Variants in VGLL4 observed in about 807,000 individuals in gnomAD.
VGLL4 encodes vestigial like family member 4.
A neutral mutation model predicts 21.0 loss-of-function variants in VGLL4; 7 were observed. The observed-to-expected ratio is 0.33, with a 90% CI of 0.19 to 0.63. VGLL4 has a LOEUF of 0.63. VGLL4 is among the 20% of genes least tolerant of loss of function. The pLI, the probability that VGLL4 is intolerant of heterozygous loss-of-function variation, is 0.78. For synonymous variants in VGLL4, 222 were observed against 173.2 expected (o/e 1.28, Z -2.21); for missense variants, 394 against 425.7 (o/e 0.93, Z 0.66).
intron 1 of VGLL4, among the ~76,000 whole-genome samples, chr3:11,635,800 G>A (rs1338575972): frequency 6.6e-6 from 1 of 152,208 alleles, no homozygotes; most frequent in Non-Finnish European, 1.5e-5. Context: ...TACTGAGAAT[G>A]ACAGCTATTT....
chr3:11,656,623 G>A (rs1312816918), intron 2 of VGLL4, among the ~76,000 whole-genome samples: 1 of 152,174 alleles, frequency 6.6e-6, no homozygotes, highest in Non-Finnish European at 1.5e-5. Flanking sequence ...CTGACAGTGT[G>A]TGGTGTCGCA....
chr3:11,699,276 T>C (rs1309770052), intron 2 of VGLL4, among the ~76,000 whole-genome samples: 1 of 152,180 alleles, frequency 6.6e-6, no homozygotes, highest in Non-Finnish European at 1.5e-5. Flanking sequence ...ACATAACTAA[T>C]GAATTAGGTA....
At chr3:11,715,611 G>C (rs549119983) in intron 1 of VGLL4, among the ~76,000 whole-genome samples, 172 of 152,214 alleles carry the variant, frequency 1.1e-3, no homozygotes, top group African/African-American at 4.1e-3. Flanking sequence ...TGGGATTATA[G>C]GTGTGAGCCA....
intron 1 of VGLL4, among the ~76,000 whole-genome samples, chr3:11,606,866 C>T (rs929192277): frequency 6.6e-6 from 1 of 152,198 alleles, no homozygotes; most frequent in African/African-American, 2.4e-5. Flanking sequence ...TTGCTCTTCA[C>T]AATAAATCTT....
At chr3:11,691,983 GAAAAAA>G (rs36035876) in intron 2 of VGLL4, among the ~76,000 whole-genome samples, 1 of 105,696 alleles carries the variant, frequency 9.5e-6, no homozygotes, top group African/African-American at 4.1e-5. Context: ...TGCACCAAAT[GAAAAAA>G]AAAAAAAAAA....
intron 1 of VGLL4, among the ~76,000 whole-genome samples, chr3:11,632,318 TA>T (rs5846713): frequency 0.87 from 131,595 of 151,426 alleles, 57,313 homozygotes; most frequent in East Asian, 0.89. Flanking sequence ...GTCTCAAAAA[TA>T]AAAAAAAAAT....
intron 2 of VGLL4, among the ~76,000 whole-genome samples, chr3:11,579,608 A>G (rs2074166816): frequency 6.6e-6 from 1 of 152,142 alleles, no homozygotes; most frequent in South Asian, 2.1e-4. Flanking sequence ...GGGGAGTTCA[A>G]TCATTCCATT....
intron 2 of VGLL4, among the ~76,000 whole-genome samples, chr3:11,685,374 T>C (rs188617293): frequency 4.6e-5 from 7 of 152,214 alleles, no homozygotes; most frequent in Admixed American, 3.3e-4. Flanking sequence ...AATTTTTGTA[T>C]TTTTAGTGGA....
At chr3:11,703,983 C>T (rs1027918808) in intron 1 of VGLL4, among the ~76,000 whole-genome samples, 3 of 152,230 alleles carry the variant, frequency 2.0e-5, no homozygotes, top group Non-Finnish European at 2.9e-5. Flanking sequence ...GTAGCTCACG[C>T]CTGTAATCCC....
intron 1 of VGLL4, among the ~76,000 whole-genome samples, chr3:11,607,607 G>A (rs529441142): frequency 1.3e-5 from 2 of 152,294 alleles, no homozygotes; most frequent in South Asian, 4.1e-4. Flanking sequence ...CAGTAGAAAT[G>A]TTACCTCTTC....
chr3:11,715,645 A>AT (rs1259875266), intron 1 of VGLL4, among the ~76,000 whole-genome samples: 1 of 151,982 alleles, frequency 6.6e-6, no homozygotes, highest in African/African-American at 2.4e-5. Flanking sequence ...AGTTCTTGTT[A>AT]TTCATAGTAG....
intron 2 of VGLL4, among the ~76,000 whole-genome samples, chr3:11,651,296 T>A (rs1282297689): frequency 6.7e-6 from 1 of 150,280 alleles, no homozygotes; most frequent in African/African-American, 2.5e-5. Flanking sequence ...TGAGCCAAGA[T>A]TGTACCATTG....
rs539305642 is a variant in VGLL4 at position 11,565,048 on chromosome 3, G to A, written c.273-29C>T. On this transcript the variant is annotated intron_variant, in intron 2 of 4. Coordinates refer to ENST00000430365, the MANE Select transcript of VGLL4 (RefSeq NM_001128219.3). This position sits in a 1 kb window ranked among gnomAD's most constrained non-coding sequence, Gnocchi z 4.1. ...AAAAAGAGGAATGGGCATTCAGGGG[G>A]CGTTTTCTCAAAGGCAAAGGGGACA... 29 of 1,464,396 alleles carry A rather than the reference G, an allele frequency of 2.0e-5. No homozygotes were observed. Among genetic ancestry groups the A allele is most frequent in the Middle Eastern group, 1.8e-4 (1 of 5,520 alleles). 90.7% of individuals were successfully genotyped at this position (1,464,396 alleles called of 1,614,324 possible). A position where few individuals can be genotyped will look rare whatever the true frequency, so the allele number is the denominator to read the frequency against.
intron 1 of VGLL4, among the ~76,000 whole-genome samples, chr3:11,609,610 G>T (rs1004314075): frequency 8.5e-5 from 13 of 152,300 alleles, no homozygotes; most frequent in African/African-American, 3.1e-4. Context: ...CACAGAGATG[G>T]GGCGAGTGAT....
chr3:11,602,057 G>C (rs757967368), intron 1 of VGLL4, 35 bp from the exon 2 acceptor site: 8 of 1,482,890 alleles, frequency 5.4e-6, no homozygotes, highest in Non-Finnish European at 7.1e-6. Flanking sequence ...CACTAAGCAG[G>C]AGAAAGGCCC....
At chr3:11,660,877 T>C (rs2076027404) in intron 2 of VGLL4, among the ~76,000 whole-genome samples, 1 of 152,172 alleles carries the variant, frequency 6.6e-6, no homozygotes, top group Non-Finnish European at 1.5e-5. Flanking sequence ...GAAAGACTCT[T>C]AAACTTTATG....
At chr3:11,595,122 T>A (rs200688902) in intron 2 of VGLL4, among the ~76,000 whole-genome samples, 1 of 152,026 alleles carries the variant, frequency 6.6e-6, no homozygotes, top group Non-Finnish European at 1.5e-5. Flanking sequence ...GATTGCCTCA[T>A]TGCACTCCAG....
At chr3:11,615,060 G>T (rs1055449341) in intron 1 of VGLL4, among the ~76,000 whole-genome samples, 3 of 152,058 alleles carry the variant, frequency 2.0e-5, no homozygotes, top group Non-Finnish European at 4.4e-5. Flanking sequence ...TTAATAAGTG[G>T]GAGACATCTT....
chr3:11,671,218 A>C (rs1172560601), intron 2 of VGLL4: 1 of 1,557,774 alleles, frequency 6.4e-7, no homozygotes, highest in Non-Finnish European at 8.7e-7. Flanking sequence ...TTCAATTAAG[A>C]AATGTCAATT....
Sources: allele counts gnomAD v4.1 joint callset (sites outside exome capture counted in the v4.1 genomes callset), GRCh38; gene constraint gnomAD v4.1.1; non-coding constraint Gnocchi (gnomAD v3.1); transcripts MANE v1.5; gene names NCBI Gene and HGNC (gene_info 2026-07-23, HGNC 2026-07-21).